Variants in FREM2 observed in about 807,000 individuals in gnomAD.
FREM2 encodes FRAS1 related extracellular matrix 2, also known as FRAS1-related extracellular matrix protein 2.
Under a neutral mutation model 219.9 loss-of-function variants are expected in FREM2, and 119 were observed. That is an observed-to-expected ratio of 0.54 (90% CI 0.47 to 0.63). The LOEUF (loss-of-function observed/expected upper bound fraction) is 0.63. Ranked by LOEUF, FREM2 falls within the 30% of genes least tolerant of loss-of-function variation. The probability of loss-of-function intolerance (pLI) is 0.00; values close to 1 mark genes in which losing one functional copy is unlikely to be tolerated. For synonymous variants in FREM2, 1,562 were observed against 1,522.8 expected (o/e 1.03, Z -0.60); for missense variants, 4,030 against 3,993.6 (o/e 1.01, Z -0.25).
In FREM2 at chr13:38,769,658, G is replaced by C. The variant is rs774445837; in HGVS notation, c.5491G>C (p.Gly1831Arg). Reference sequence around the variant, plus strand: ...ACAGAAACAAGTGCAGTTCAACCCAGGCCAGACCAGGGCCACATGGCGAGT... The same window carrying C: ...ACAGAAACAAGTGCAGTTCAACCCACGCCAGACCAGGGCCACATGGCGAGT... ...KAQKQVQFNP[G>R]QTRATWRVRI... The change falls in exon 4 of 24, where the codon GGC (glycine) becomes CGC (arginine). Residue 1831 changes from glycine (G) to arginine (R), a missense_variant. By Grantham distance (125) the Gly-to-Arg change is moderately radical. This residue lies in a region of FREM2 where 3,102 missense variants were observed against 2,950.7 expected (regional missense o/e 1.05). Coordinates refer to ENST00000280481, the MANE Select transcript of FREM2 (RefSeq NM_207361.6). 3.7e-6 allele frequency: 6 copies of C among 1,614,190 alleles called. No homozygotes were observed. The East Asian group carries it at 1.3e-4, about 36-fold the overall frequency.
At chr13:38,734,738 CTTT>C (rs11314517) in intron 2 of FREM2, among the ~76,000 whole-genome samples, 7 of 89,394 alleles carry the variant, frequency 7.8e-5, no homozygotes, top group South Asian at 8.8e-4. Flanking sequence ...CAGTGCTATA[CTTT>C]TTTTTTTTTT....
intron 6 of FREM2, among the ~76,000 whole-genome samples, chr13:38,835,800 T>G (rs1435104258): frequency 6.6e-6 from 1 of 152,222 alleles, no homozygotes; most frequent in African/African-American, 2.4e-5. Context: ...CTCAGTATCC[T>G]GAGACTTTGC....
At chr13:38,696,947 A>G (rs1477511750) in intron 1 of FREM2, among the ~76,000 whole-genome samples, 2 of 151,862 alleles carry the variant, frequency 1.3e-5, no homozygotes, top group Non-Finnish European at 2.9e-5. Flanking sequence ...AGCTGGGATT[A>G]CAGGAACGCA....
chr13:38,700,818 A>G (rs1870315259), intron 2 of FREM2, among the ~76,000 whole-genome samples: 1 of 152,074 alleles, frequency 6.6e-6, no homozygotes, highest in South Asian at 2.1e-4. Flanking sequence ...CTCCAGACCA[A>G]CTTTCTAGGA....
chr13:38,838,176 ATTTG>A (rs1376806668), intron 6 of FREM2, among the ~76,000 whole-genome samples: 3 of 152,114 alleles, frequency 2.0e-5, no homozygotes, highest in Non-Finnish European at 2.9e-5. Context: ...ATGCTTCAGC[ATTTG>A]TTTGTCTGTA....
rs1485067526 is a variant in FREM2 at position 38,859,270 on chromosome 13, T to G, written c.7216-17T>G. ...GTTCTACACTCTGTTCCTAACACAG[T>G]CATTTGTTTTCCGTAGGCTTGCAAC... is the stretch of plus-strand genomic sequence containing the variant. On this transcript the variant is annotated splice_polypyrimidine_tract_variant and intron_variant, in intron 13 of 23. Transcript: ENST00000280481. 1 of 1,613,272 alleles carries G rather than the reference T, an allele frequency of 6.2e-7. No individual in the cohort carries two copies. The highest frequency in any genetic ancestry group is 1.7e-5 in the Admixed American group (1 of 60,006).
At chr13:38,772,023 C>T (rs1395235770) in intron 4 of FREM2, among the ~76,000 whole-genome samples, 3 of 151,812 alleles carry the variant, frequency 2.0e-5, no homozygotes, top group African/African-American at 7.3e-5. Flanking sequence ...ATCACTTTTC[C>T]CCCCATTTAA....
chr13:38,803,786 G>A (rs909714649), intron 6 of FREM2, among the ~76,000 whole-genome samples: 11 of 149,958 alleles, frequency 7.3e-5, no homozygotes, highest in African/African-American at 2.7e-4. Context: ...GCAACATGGT[G>A]AGCTCTGTGG....
At chr13:38,726,361 G>A (rs909325499) in intron 2 of FREM2, among the ~76,000 whole-genome samples, 2 of 152,146 alleles carry the variant, frequency 1.3e-5, no homozygotes, top group East Asian at 1.9e-4. Flanking sequence ...GCTCTGGATC[G>A]GATAGTTTGC....
chr13:38,876,377 C>T lies in FREM2; in HGVS notation c.8539C>T (p.Gln2847Ter). 6.2e-7 allele frequency: 1 copy of T among 1,613,164 alleles called. No individual in the cohort carries two copies. The highest frequency in any genetic ancestry group is 8.5e-7 in the Non-Finnish European group (1 of 1,179,590). Residue 2847 changes from glutamine (Q) to a stop codon, truncating the protein, a stop_gained, in exon 20 of 24, where the codon CAA (glutamine) becomes TAA (stop). Transcript: ENST00000280481. LOFTEE classifies it high-confidence loss of function. Reference protein sequence around the residue: ...PVTFDLDIRFQQVSDPVAAEF... With the variant: ...PVTFDLDIRF ...CACCTTTGACCTTGACATCCGATTC[C>T]AACAGGTGTGGCTTATAGAATTACT...
chr13:38,810,677 A>G (rs1449582431), intron 6 of FREM2, among the ~76,000 whole-genome samples: 2 of 152,112 alleles, frequency 1.3e-5, no homozygotes, highest in East Asian at 3.8e-4. Flanking sequence ...CTATTTGGTC[A>G]TGATGAATAA....
chr13:38,687,528 G>A lies in FREM2; in HGVS notation c.184G>A (p.Gly62Arg). 6.3e-7 allele frequency: 1 copy of A among 1,598,798 alleles called. No homozygotes were observed. The highest frequency in any genetic ancestry group is 8.5e-7 in the Non-Finnish European group (1 of 1,172,808). The change falls in exon 1 of 24, where the codon GGG (glycine) becomes AGG (arginine). Residue 62 changes from glycine (G) to arginine (R), a missense_variant. Transcript: ENST00000280481. ...GGCGTTGCTGTCCCCTGGTCTCGCG[G>A]GGGCTGCAGGGGTCCCTGCTGAGGA... ...GRALLSPGLA[G>R]AAGVPAEEAI...
At chr13:38,776,498 T>C (rs1238043075) in intron 4 of FREM2, among the ~76,000 whole-genome samples, 4 of 152,184 alleles carry the variant, frequency 2.6e-5, no homozygotes, top group Non-Finnish European at 5.9e-5. Flanking sequence ...GAGAAATCAA[T>C]TTTGCCTGTT....
At chr13:38,800,203 A>G (rs563916481) in intron 6 of FREM2, among the ~76,000 whole-genome samples, 9 of 152,262 alleles carry the variant, frequency 5.9e-5, no homozygotes, top group Admixed American at 1.3e-4. Context: ...CTTTTCACTT[A>G]CAAGTTTAGG....
chr13:38,818,121 T>G (rs1875841250), intron 6 of FREM2, among the ~76,000 whole-genome samples: 1 of 152,152 alleles, frequency 6.6e-6, no homozygotes, highest in Non-Finnish European at 1.5e-5. Flanking sequence ...GAATACAGTA[T>G]GGCGGTTCCT....
intron 14 of FREM2, among the ~76,000 whole-genome samples, chr13:38,861,003 C>T (rs1027441289): frequency 6.6e-6 from 1 of 152,190 alleles, no homozygotes; most frequent in African/African-American, 2.4e-5. Flanking sequence ...GTAAACATAA[C>T]TAATGATAAG....
intron 15 of FREM2, among the ~76,000 whole-genome samples, chr13:38,862,058 A>G: frequency 6.6e-6 from 1 of 152,240 alleles, no homozygotes; most frequent in Non-Finnish European, 1.5e-5. Flanking sequence ...GGTAGCCATG[A>G]CCAGAATGTG....
At chr13:38,874,681 G>A in intron 18 of FREM2, 95 bp downstream of exon 18, 1 of 941,090 alleles carries the variant, frequency 1.1e-6, no homozygotes, top group Non-Finnish European at 1.7e-6. Context: ...TGTTACCACT[G>A]AAGCCCTTAA....
chr13:38,761,747 G>T (rs1873234076), intron 2 of FREM2, among the ~76,000 whole-genome samples: 1 of 152,138 alleles, frequency 6.6e-6, no homozygotes. Context: ...CAGCAATAAG[G>T]AATGGAAAGT....
Sources: gnomAD v4.1 joint callset for allele counts (sites outside exome capture counted in the v4.1 genomes callset) on GRCh38, gnomAD v4.1.1 for gene constraint, gnomAD v4.1.1 regional missense constraint, MANE v1.5 for transcripts, NCBI Gene and HGNC (gene_info 2026-07-23, HGNC 2026-07-21) for gene names.